GPC3: variants seen among roughly 807,000 people sequenced by gnomAD.
GPC3 encodes the protein glypican-3.
GPC3 carries 3 observed loss-of-function variants against 34.4 expected under a neutral mutation model. The ratio of observed to expected loss-of-function variants is 0.09; its 90% CI spans 0.04 to 0.23. The LOEUF (loss-of-function observed/expected upper bound fraction) is 0.23, where lower values mean the gene tolerates loss of function less well. Among genes scored for constraint, GPC3 ranks in the 10% least tolerant of loss-of-function variants. GPC3 has a pLI of 1.00. For synonymous variants in GPC3, 177 were observed against 174.0 expected, an observed-to-expected ratio of 1.02 and a Z score of -0.13; for missense variants, 351 against 445.6, an observed-to-expected ratio of 0.79 and a Z score of 1.91.
chrX:133,773,209 G>A (rs1277452583), intron 2 of GPC3, among the ~76,000 whole-genome samples: 3 of 110,894 alleles, frequency 2.7e-5, no homozygotes, highest in South Asian at 3.8e-4. Context: ...CTGCCACCAC[G>A]CCCAGCTAAT....
intron 2 of GPC3, among the ~76,000 whole-genome samples, chrX:133,925,963 C>T (rs1242368154): frequency 1.8e-5 from 2 of 111,262 alleles, no homozygotes; most frequent in Non-Finnish European, 3.8e-5. Flanking sequence ...AAAAATTAAA[C>T]GGCTGCCTCT....
intron 6 of GPC3, among the ~76,000 whole-genome samples, chrX:133,652,969 A>T (rs1229500746): frequency 8.9e-6 from 1 of 112,170 alleles, no homozygotes; most frequent in Non-Finnish European, 1.9e-5. Flanking sequence ...CTATCACTTC[A>T]ATAATGTTAC....
At chrX:133,560,384 G>C (rs2069530916) in intron 7 of GPC3, among the ~76,000 whole-genome samples, 1 of 112,275 alleles carries the variant, frequency 8.9e-6, no homozygotes, top group Non-Finnish European at 1.9e-5. Context: ...GCCATTAACT[G>C]TTTGTAAGTT....
chrX:133,751,777 TA>T (rs1342335828), intron 3 of GPC3, among the ~76,000 whole-genome samples: 1 of 112,702 alleles, frequency 8.9e-6, no homozygotes, highest in African/African-American at 3.2e-5. Context: ...TCCTCTGACT[TA>T]ACTAGCTTTG....
chrX:133,599,071 G>GA (rs1457948608), intron 6 of GPC3, among the ~76,000 whole-genome samples: 1 of 111,918 alleles, frequency 8.9e-6, no homozygotes, highest in Non-Finnish European at 1.9e-5. Flanking sequence ...TCCTTTCCAA[G>GA]AAAATGTCTA....
At chrX:133,767,629 G>A (rs1260819842) in intron 2 of GPC3, among the ~76,000 whole-genome samples, 2 of 110,829 alleles carry the variant, frequency 1.8e-5, no homozygotes, top group Non-Finnish European at 3.8e-5. Flanking sequence ...ATGAAGGCCA[G>A]GGGACTGTTG....
At chrX:133,579,366 T>C (rs1044021249) in intron 7 of GPC3, among the ~76,000 whole-genome samples, 7 of 112,097 alleles carry the variant, frequency 6.2e-5, no homozygotes, top group Non-Finnish European at 1.1e-4. Flanking sequence ...CTTTGCTTAT[T>C]CATTTTTGTA....
chrX:133,943,899 CA>C (rs758341400), intron 2 of GPC3, among the ~76,000 whole-genome samples: 28 of 111,613 alleles, frequency 2.5e-4, no homozygotes, highest in African/African-American at 9.1e-4. Flanking sequence ...AATGGGCGAG[CA>C]AAACCCCATT....
At chrX:133,959,113 T>C (rs2076431376) in intron 1 of GPC3, among the ~76,000 whole-genome samples, 1 of 111,915 alleles carries the variant, frequency 8.9e-6, no homozygotes, top group African/African-American at 3.2e-5. Flanking sequence ...GGCTTTCTTC[T>C]GAGGCATACT....
chrX:133,695,903 T>C (rs1052863784), intron 4 of GPC3, among the ~76,000 whole-genome samples: 18 of 112,322 alleles, frequency 1.6e-4, no homozygotes, highest in African/African-American at 5.8e-4. Context: ...CTATTCTTCT[T>C]GATAGGCTTG....
At chrX:133,946,903 T>C (rs2076371410) in intron 2 of GPC3, among the ~76,000 whole-genome samples, 1 of 111,334 alleles carries the variant, frequency 9.0e-6, no homozygotes. Flanking sequence ...CCTCAGTCCC[T>C]GGAAGTATCT....
chrX:133,553,208 A>G (rs1433324787), intron 7 of GPC3, among the ~76,000 whole-genome samples: 1 of 111,828 alleles, frequency 8.9e-6, no homozygotes, highest in Non-Finnish European at 1.9e-5. Flanking sequence ...CCCATTAACC[A>G]AGACAAATAC....
chrX:133,653,719 A>C (rs1167185525), intron 6 of GPC3, among the ~76,000 whole-genome samples: 1 of 112,348 alleles, frequency 8.9e-6, no homozygotes, highest in Non-Finnish European at 1.9e-5. Context: ...ATCCAAAATA[A>C]GTGATAAATA....
At chrX:133,730,081 G>A (rs923694980) in intron 3 of GPC3, among the ~76,000 whole-genome samples, 10 of 112,071 alleles carry the variant, frequency 8.9e-5, no homozygotes, top group African/African-American at 2.9e-4. Context: ...CAGTCTAACA[G>A]TCTAATAGTG....
chrX:133,621,071 G>A (rs1482470904), intron 6 of GPC3, among the ~76,000 whole-genome samples: 3 of 110,666 alleles, frequency 2.7e-5, no homozygotes, highest in African/African-American at 9.9e-5. Context: ...TATTTTACAG[G>A]GTTTGACTCT....
At chrX:133,604,785 C>T in intron 6 of GPC3, among the ~76,000 whole-genome samples, 1 of 111,822 alleles carries the variant, frequency 8.9e-6, no homozygotes, top group Middle Eastern at 4.6e-3. Flanking sequence ...AGCTATTAAG[C>T]TGGGCTTATA....
rs182989884 is a variant in GPC3 at position 133,619,008 on chromosome X, A to C, written c.1414-22409T>G. 1.9e-3 allele frequency among the ~76,000 whole-genome samples: 210 copies of C among 111,651 alleles called. 1 individual carries two copies. Among genetic ancestry groups the C allele is most frequent in the African/African-American group, 6.7e-3 (207 of 30,783 alleles). Reference sequence around the variant, plus strand: ...TCAAAAATAAAAAGGCAAATACCCAATTTAAAAAAAAATGGACAAAGGATC... The same window carrying C: ...TCAAAAATAAAAAGGCAAATACCCACTTTAAAAAAAAATGGACAAAGGATC... On this transcript the variant is annotated intron_variant, in intron 6 of 7. Coordinates refer to ENST00000370818, the MANE Select transcript of GPC3 (RefSeq NM_004484.4).
At chrX:133,593,330 C>CAAAAAAAAAAAAAAAAAAAAAAAGAAAAA (rs756083308) in intron 7 of GPC3, among the ~76,000 whole-genome samples, 1 of 9,894 alleles carries the variant, frequency 1.0e-4, no homozygotes, top group African/African-American at 3.4e-4. Flanking sequence ...GAGACTGTCT[C>CAAAAAAAAAAAAAAAAAAAAAAAGAAAAA]AAAAAAAAAA....
At chrX:133,628,139 T>C (rs183691526) in intron 6 of GPC3, among the ~76,000 whole-genome samples, 49 of 112,255 alleles carry the variant, frequency 4.4e-4, no homozygotes, top group African/African-American at 1.6e-3. Flanking sequence ...GTTGTTTAGC[T>C]ATCCTAAAAA....
Sources: allele counts gnomAD v4.1 joint callset (sites outside exome capture counted in the v4.1 genomes callset), GRCh38; gene constraint gnomAD v4.1.1; transcripts MANE v1.5; gene names NCBI Gene and HGNC (gene_info 2026-07-23, HGNC 2026-07-21).